NELL2: variants seen among roughly 807,000 people sequenced by gnomAD.
NELL2 encodes the protein neural EGFL like 2, also known as protein kinase C-binding protein NELL2.
Under a neutral mutation model 109.6 loss-of-function variants are expected in NELL2, and 41 were observed. The observed-to-expected ratio is 0.37, with a 90% CI of 0.29 to 0.49. The LOEUF is 0.49. NELL2 is among the 20% of genes least tolerant of loss of function. The pLI, the probability that NELL2 is intolerant of heterozygous loss-of-function variation, is 0.98. For synonymous variants in NELL2, 355 were observed against 344.7 expected (o/e 1.03, Z -0.33); for missense variants, 900 against 1,008.3 (o/e 0.89, Z 1.45).
chr12:44,644,308 T>C (rs1470469592), intron 13 of NELL2, among the ~76,000 whole-genome samples: 1 of 151,980 alleles, frequency 6.6e-6, no homozygotes, highest in Non-Finnish European at 1.5e-5. Flanking sequence ...GGCATGTAAT[T>C]GAGTTGAATT....
intron 15 of NELL2, among the ~76,000 whole-genome samples, chr12:44,574,707 G>C (rs1410745876): frequency 6.6e-6 from 1 of 152,144 alleles, no homozygotes; most frequent in East Asian, 1.9e-4. Flanking sequence ...AATACCATTT[G>C]AATTAAGAGT....
At chr12:44,799,366 C>T (rs1283713562) in intron 3 of NELL2, among the ~76,000 whole-genome samples, 4 of 152,080 alleles carry the variant, frequency 2.6e-5, no homozygotes, top group African/African-American at 9.7e-5. Context: ...ATTCATTATA[C>T]TCCAATCTTG....
chr12:44,751,908 T>C (rs993525919), intron 9 of NELL2, among the ~76,000 whole-genome samples: 1 of 152,108 alleles, frequency 6.6e-6, no homozygotes, highest in Middle Eastern at 3.4e-3. Context: ...AGAAGAATTA[T>C]CTTGAGCCAC....
chr12:44,745,906 C>T (rs539346970), intron 9 of NELL2, among the ~76,000 whole-genome samples: 75 of 152,332 alleles, frequency 4.9e-4, no homozygotes, highest in African/African-American at 1.5e-3. Context: ...CCATCCCCAT[C>T]AAGCTACCAA....
At chr12:44,899,886 AC>A (rs1281283915) in intron 1 of NELL2, among the ~76,000 whole-genome samples, 22 of 152,232 alleles carry the variant, frequency 1.4e-4, no homozygotes, top group Admixed American at 1.4e-3. Flanking sequence ...GCAAAGACAC[AC>A]ATAGGCTCAA....
At chr12:44,580,584 G>A (rs1264307649) in intron 15 of NELL2, among the ~76,000 whole-genome samples, 1 of 152,114 alleles carries the variant, frequency 6.6e-6, no homozygotes, top group Non-Finnish European at 1.5e-5. Context: ...GTGGTGGTGG[G>A]CACCTGTAAT....
intron 2 of NELL2, among the ~76,000 whole-genome samples, chr12:44,819,599 C>T (rs1386693571): frequency 6.6e-6 from 1 of 152,112 alleles, no homozygotes; most frequent in South Asian, 2.1e-4. Flanking sequence ...CATCCTCCAC[C>T]CCACCAGGGT....
chr12:44,559,227 C>A (rs186048929), intron 15 of NELL2, among the ~76,000 whole-genome samples: 198 of 152,284 alleles, frequency 1.3e-3, no homozygotes, highest in African/African-American at 4.5e-3. Flanking sequence ...CAAAAACATA[C>A]TAAATTGTAA....
intron 15 of NELL2, among the ~76,000 whole-genome samples, chr12:44,583,358 C>T (rs1303783728): frequency 6.6e-6 from 1 of 152,158 alleles, no homozygotes; most frequent in African/African-American, 2.4e-5. Flanking sequence ...CTTGATGCTA[C>T]AAATTATTTG....
intron 14 of NELL2, among the ~76,000 whole-genome samples, chr12:44,610,421 G>T (rs1167961986): frequency 6.6e-6 from 1 of 151,940 alleles, no homozygotes; most frequent in African/African-American, 2.4e-5. Flanking sequence ...GAAAAGGAAG[G>T]TTCAACGAAA....
chr12:44,661,396 C>T (rs1592287578), intron 13 of NELL2, among the ~76,000 whole-genome samples: 1 of 152,186 alleles, frequency 6.6e-6, no homozygotes, highest in Admixed American at 6.5e-5. Flanking sequence ...TGCTCTGAAA[C>T]TTGCCTCAGT....
intron 12 of NELL2, among the ~76,000 whole-genome samples, chr12:44,686,671 G>A (rs933396722): frequency 2.0e-5 from 3 of 151,436 alleles, no homozygotes; most frequent in African/African-American, 7.4e-5. Flanking sequence ...GGAGTACCCG[G>A]CCGTGTGAGG....
intron 9 of NELL2, among the ~76,000 whole-genome samples, chr12:44,724,382 T>G (rs938435298): frequency 6.6e-6 from 1 of 151,910 alleles, no homozygotes; most frequent in Non-Finnish European, 1.5e-5. Context: ...ATATGTATGC[T>G]TTAATCTATA....
At chr12:44,513,683 GC>G (rs1941107466) in intron 19 of NELL2, among the ~76,000 whole-genome samples, 1 of 151,738 alleles carries the variant, frequency 6.6e-6, no homozygotes, top group Admixed American at 6.6e-5. Flanking sequence ...AGAAGAAAAA[GC>G]CAGTAAATTT....
chr12:44,759,014 G>A (rs910748260), intron 9 of NELL2, among the ~76,000 whole-genome samples: 3 of 152,120 alleles, frequency 2.0e-5, no homozygotes, highest in African/African-American at 7.2e-5. Context: ...GATATTACCT[G>A]AAAATGCATC....
intron 13 of NELL2, among the ~76,000 whole-genome samples, chr12:44,611,571 C>T (rs1422914487): frequency 2.0e-5 from 3 of 152,034 alleles, no homozygotes; most frequent in Admixed American, 2.0e-4. Flanking sequence ...GTAATATGTG[C>T]AAATACAAAC....
chr12:44,523,233 A>T, intron 17 of NELL2, 58 bp downstream of exon 17: 1 of 1,570,722 alleles, frequency 6.4e-7, no homozygotes, highest in African/African-American at 1.3e-5. Flanking sequence ...ATACACACTT[A>T]AAACATATGC....
rs73096334 is a variant in NELL2, at chr12:44,523,901, T to C, written c.1805-417A>G. Among the ~76,000 whole-genome samples, 723 of 152,258 alleles carry C rather than the reference T, an allele frequency of 4.7e-3. 1 individual carries two copies. The highest frequency in any genetic ancestry group is 0.017 in the Middle Eastern group (5 of 294). On this transcript the variant is annotated intron_variant, in intron 16 of 19. Transcript: ENST00000429094. ...CTGGTGATTATAGAAAAATCCCTTC[T>C]TAGTGGGAGATGAAATGTCATGAGA...
intron 2 of NELL2, among the ~76,000 whole-genome samples, chr12:44,858,135 T>C (rs1056580597): frequency 6.6e-6 from 1 of 152,180 alleles, no homozygotes; most frequent in Non-Finnish European, 1.5e-5. Context: ...GATGCACACA[T>C]TGACCCTAAG....
Sources: allele counts gnomAD v4.1 joint callset (sites outside exome capture counted in the v4.1 genomes callset), GRCh38; gene constraint gnomAD v4.1.1; transcripts MANE v1.5; gene names NCBI Gene and HGNC (gene_info 2026-07-23, HGNC 2026-07-21).